THSD7B: variants seen among roughly 807,000 people sequenced by gnomAD.
The protein encoded by THSD7B is thrombospondin type-1 domain-containing protein 7B.
THSD7B carries 138 observed loss-of-function variants against 213.6 expected under a neutral mutation model. The ratio of observed to expected loss-of-function variants is 0.65; its 90% confidence interval spans 0.56 to 0.74. The LOEUF (loss-of-function observed/expected upper bound fraction) is 0.74. THSD7B is among the 30% of genes least tolerant of loss of function. The pLI, the probability that THSD7B is intolerant of heterozygous loss-of-function variation, is 0.00. For synonymous variants in THSD7B, 742 were observed against 687.0 expected (o/e 1.08, Z -1.25); for missense variants, 1,931 against 1,991.5 (o/e 0.97, Z 0.58).
At chr2:137,170,567 C>CT (rs932180202) in intron 6 of THSD7B, among the ~76,000 whole-genome samples, 174 bp from the exon 7 acceptor site, 28 of 151,968 alleles carry the variant, frequency 1.8e-4, no homozygotes, top group African/African-American at 3.6e-4. Flanking sequence ...TTCCCATTCT[C>CT]TTTTTTTTCT....
chr2:137,059,881 G>C (rs956963759), intron 3 of THSD7B, among the ~76,000 whole-genome samples: 15 of 152,114 alleles, frequency 9.9e-5, no homozygotes, highest in African/African-American at 3.6e-4. Flanking sequence ...AGTCATTTGG[G>C]TTAATATCAA....
intron 12 of THSD7B, among the ~76,000 whole-genome samples, chr2:137,283,610 C>G (rs545913228): frequency 1.5e-4 from 22 of 151,502 alleles, no homozygotes; most frequent in African/African-American, 2.9e-4. Flanking sequence ...TAGCATGAAG[C>G]GTTGTTGAAT....
At chr2:137,272,396 T>C (rs1000244408) in intron 10 of THSD7B, 137 bp from the exon 11 acceptor site, 14 of 759,622 alleles carry the variant, frequency 1.8e-5, no homozygotes, top group East Asian at 1.7e-4. Context: ...TGGTCTTTGC[T>C]TGTTATTTTC....
At chr2:136,964,548 C>G (rs901361380) in intron 2 of THSD7B, among the ~76,000 whole-genome samples, 2 of 152,188 alleles carry the variant, frequency 1.3e-5, no homozygotes, top group African/African-American at 4.8e-5. Flanking sequence ...ATTAACTACC[C>G]TCTTTTTTTG....
intron 1 of THSD7B, among the ~76,000 whole-genome samples, chr2:136,851,206 T>C (rs1683093722): frequency 1.3e-5 from 2 of 152,176 alleles, no homozygotes; most frequent in African/African-American, 4.8e-5. Context: ...TCCTAAATTA[T>C]GGCGAAGTCT....
intron 15 of THSD7B, among the ~76,000 whole-genome samples, chr2:137,502,442 G>C (rs1475458097): frequency 2.0e-5 from 3 of 152,092 alleles, no homozygotes; most frequent in African/African-American, 7.2e-5. Context: ...GGAAAGGTCA[G>C]AGACAAATCT....
At chr2:136,767,800 T>A (rs1457927865) in intron 1 of THSD7B, among the ~76,000 whole-genome samples, 1 of 152,190 alleles carries the variant, frequency 6.6e-6, no homozygotes, top group Non-Finnish European at 1.5e-5. Flanking sequence ...CTACTGTTGG[T>A]GGACTTTGAT....
chr2:136,937,913 A>G (rs908855173), intron 2 of THSD7B, among the ~76,000 whole-genome samples: 1 of 152,246 alleles, frequency 6.6e-6, no homozygotes, highest in African/African-American at 2.4e-5. Flanking sequence ...ATTATCAAGC[A>G]TATAGCCTTA....
chr2:137,460,398 A>G (rs1687861278), intron 15 of THSD7B, among the ~76,000 whole-genome samples: 1 of 152,088 alleles, frequency 6.6e-6, no homozygotes, highest in South Asian at 2.1e-4. Context: ...TTGGTCTCTA[A>G]CGTATATCTG....
intron 5 of THSD7B, among the ~76,000 whole-genome samples, chr2:137,129,558 G>A (rs1688689430): frequency 6.6e-6 from 1 of 151,388 alleles, no homozygotes; most frequent in Non-Finnish European, 1.5e-5. Context: ...TCCTGCCTCA[G>A]CCTCCCAAGT....
chr2:136,859,753 C>T (rs1434887589), intron 1 of THSD7B, among the ~76,000 whole-genome samples: 6 of 152,146 alleles, frequency 3.9e-5, no homozygotes, highest in African/African-American at 1.4e-4. Flanking sequence ...AGTTCTTTGG[C>T]ATTTTTTAAA....
At chr2:137,196,412 C>T (rs1315771752) in intron 7 of THSD7B, among the ~76,000 whole-genome samples, 3 of 119,960 alleles carry the variant, frequency 2.5e-5, no homozygotes, top group Non-Finnish European at 4.8e-5. Flanking sequence ...TTGTGGCTGC[C>T]GTTTCGCAGC....
intron 22 of THSD7B, among the ~76,000 whole-genome samples, chr2:137,656,593 A>G (rs1558873537): frequency 6.6e-6 from 1 of 152,222 alleles, no homozygotes; most frequent in Non-Finnish European, 1.5e-5. Context: ...AGTTTTTGGC[A>G]CTTTCTTGTT....
intron 12 of THSD7B, among the ~76,000 whole-genome samples, chr2:137,365,010 C>A (rs567362867): frequency 2.1e-4 from 32 of 152,044 alleles, no homozygotes; most frequent in Admixed American, 9.2e-4. Context: ...GCTACAGCAC[C>A]CCAAACAGCA....
At chr2:136,893,043 T>C (rs1460295937) in intron 2 of THSD7B, among the ~76,000 whole-genome samples, 1 of 152,070 alleles carries the variant, frequency 6.6e-6, no homozygotes, top group African/African-American at 2.4e-5. Flanking sequence ...TAGCAGGGAG[T>C]GAAAATTATA....
intron 14 of THSD7B, among the ~76,000 whole-genome samples, chr2:137,445,966 C>G (rs1050729249): frequency 6.6e-6 from 1 of 151,188 alleles, no homozygotes; most frequent in African/African-American, 2.4e-5. Context: ...TTGAGAAAAT[C>G]ACAACATGCT....
At chr2:137,021,415 T>C (rs1306282158) in intron 2 of THSD7B, among the ~76,000 whole-genome samples, 1 of 152,218 alleles carries the variant, frequency 6.6e-6, no homozygotes, top group African/African-American at 2.4e-5. Flanking sequence ...ACCTGAACAG[T>C]GTGCATTAAG....
At position 136,819,692 on chromosome 2, in the gene THSD7B, C is replaced by G. The variant is rs537705063; in HGVS notation, c.-36+54005C>G. On this transcript the variant is annotated intron_variant, in intron 1 of 27. Transcript: ENST00000409968. ...TCCTGAGGACCTTGCTTATGCCCCC[C>G]CCAGTCCAGCTGAGGCTGAACTGAG... Among the ~76,000 whole-genome samples the G allele has an allele frequency of 2.6e-5, 4 of 152,204 alleles. No homozygotes were observed. In the East Asian group the frequency reaches 7.7e-4, roughly 29 times the overall value.
intron 14 of THSD7B, among the ~76,000 whole-genome samples, chr2:137,418,005 A>G (rs1321004314): frequency 6.6e-6 from 1 of 152,218 alleles, no homozygotes; most frequent in African/African-American, 2.4e-5. Context: ...GGGGAAGAAT[A>G]ATAGTGTCTG....
Sources: allele counts gnomAD v4.1 joint callset (sites outside exome capture counted in the v4.1 genomes callset), GRCh38; gene constraint gnomAD v4.1.1; transcripts MANE v1.5; gene names NCBI Gene and HGNC (gene_info 2026-07-23, HGNC 2026-07-21).